Variants in FAM13A observed in about 807,000 individuals in gnomAD.
FAM13A encodes protein FAM13A.
FAM13A carries 76 observed loss-of-function variants against 129.6 expected under a neutral mutation model. The observed-to-expected ratio is 0.59, with a 90% CI of 0.49 to 0.71. FAM13A has a LOEUF of 0.71. Ranked by LOEUF, FAM13A falls within the 30% of genes least tolerant of loss-of-function variation. The probability of loss-of-function intolerance (pLI) is 0.00; values close to 1 mark genes in which losing one functional copy is unlikely to be tolerated. For missense variants in FAM13A, 1,108 were observed against 1,249.3 expected, an observed-to-expected ratio of 0.89 and a Z score of 1.70; for synonymous variants, 443 against 449.9, an observed-to-expected ratio of 0.98 and a Z score of 0.20.
chr4:89,020,726 A>G (rs1267636270), intron 2 of FAM13A, 57 bp from the exon 3 acceptor site: 1 of 1,106,532 alleles, frequency 9.0e-7, no homozygotes, highest in African/African-American at 1.5e-5. Flanking sequence ...CATGAAACGT[A>G]AAGAATGATA....
chr4:89,035,139 A>G (rs779363678), intron 1 of FAM13A, among the ~76,000 whole-genome samples: 2 of 152,180 alleles, frequency 1.3e-5, no homozygotes, highest in Non-Finnish European at 2.9e-5. Flanking sequence ...AACCAAATAC[A>G]GCATGTTCTC....
intron 3 of FAM13A, among the ~76,000 whole-genome samples, chr4:89,017,401 A>G (rs1407461495): frequency 6.6e-6 from 1 of 152,222 alleles, no homozygotes; most frequent in East Asian, 1.9e-4. Flanking sequence ...CTTTCTGATG[A>G]CTGAGGAATC....
chr4:88,939,662 C>T (rs1375628752), intron 4 of FAM13A, among the ~76,000 whole-genome samples: 2 of 152,122 alleles, frequency 1.3e-5, no homozygotes, highest in Non-Finnish European at 2.9e-5. Context: ...TATGATTTGG[C>T]AAAGGTGATA....
chr4:88,827,828 C>T (rs951218312), intron 7 of FAM13A, among the ~76,000 whole-genome samples: 4 of 152,222 alleles, frequency 2.6e-5, no homozygotes, highest in Admixed American at 2.0e-4. Flanking sequence ...GATTTGGTAA[C>T]TCATTTTTGT....
At chr4:88,812,511 T>C (rs576391660) in intron 7 of FAM13A, among the ~76,000 whole-genome samples, 1 of 152,298 alleles carries the variant, frequency 6.6e-6, no homozygotes, top group Non-Finnish European at 1.5e-5. Flanking sequence ...CTCTTTCCAT[T>C]TGTACATGTT....
intron 20 of FAM13A, 24 bp from the exon 21 acceptor site, chr4:88,737,579 G>A (rs1739255139): frequency 6.3e-7 from 1 of 1,597,274 alleles, no homozygotes; most frequent in African/African-American, 1.3e-5. Flanking sequence ...TAACAAGTAG[G>A]TTACATTCCG....
intron 19 of FAM13A, among the ~76,000 whole-genome samples, chr4:88,741,760 C>T (rs183081959): frequency 3.5e-4 from 53 of 152,246 alleles, no homozygotes; most frequent in Non-Finnish European, 2.4e-4. Context: ...ATTTGGGATG[C>T]TCAATCAGTA....
At chr4:88,927,393 A>C (rs1236002542) in intron 5 of FAM13A, among the ~76,000 whole-genome samples, 1 of 151,346 alleles carries the variant, frequency 6.6e-6, no homozygotes, top group Non-Finnish European at 1.5e-5. Flanking sequence ...ATAATCAATG[A>C]ACAGGGATAA....
Position 88,726,372 on chromosome 4 carries a change from T to G in FAM13A, c.*2161A>C, listed in dbSNP as rs916446710. On this transcript the variant is annotated 3_prime_UTR_variant, in exon 24 of 24. Coordinates refer to ENST00000264344, the MANE Select transcript of FAM13A (RefSeq NM_014883.4). ...TCATACACAATTTATTTTATATAAC[T>G]TACTTGGTGTTTTCTTTTATTGAAT... 2.0e-5 allele frequency: 3 copies of G among 152,386 alleles called. No individual in the cohort carries two copies. Among genetic ancestry groups the G allele is most frequent in the Admixed American group, 6.5e-5 (1 of 15,288 alleles). The allele number at this position is 152,386 out of a possible 1,614,324, so 9.4% of individuals were successfully genotyped here. A position where few individuals can be genotyped will look rare whatever the true frequency, so the allele number is the denominator to read the frequency against.
At chr4:88,842,276 A>G (rs1735967979) in intron 7 of FAM13A, among the ~76,000 whole-genome samples, 1 of 152,214 alleles carries the variant, frequency 6.6e-6, no homozygotes, top group Non-Finnish European at 1.5e-5. Context: ...ACTCCAGATA[A>G]AAGGGAAAAT....
intron 4 of FAM13A, among the ~76,000 whole-genome samples, chr4:88,976,520 A>G (rs930424556): frequency 3.3e-5 from 5 of 152,184 alleles, no homozygotes; most frequent in African/African-American, 1.2e-4. Context: ...CATGTGCCAC[A>G]TGACATTTTG....
intron 6 of FAM13A, among the ~76,000 whole-genome samples, chr4:88,861,123 A>G (rs1360382340): frequency 6.6e-6 from 1 of 152,100 alleles, no homozygotes; most frequent in Non-Finnish European, 1.5e-5. Context: ...TATTATAAAA[A>G]TTAAATGACA....
chr4:89,056,747 A>G (rs1772236453), intron 1 of FAM13A, among the ~76,000 whole-genome samples, 191 bp downstream of exon 1: 1 of 152,224 alleles, frequency 6.6e-6, no homozygotes. Flanking sequence ...AAAGTGCACA[A>G]ATATGCTGAA....
intron 7 of FAM13A, among the ~76,000 whole-genome samples, chr4:88,810,195 A>T (rs879332819): frequency 2.0e-4 from 30 of 152,270 alleles, no homozygotes; most frequent in Non-Finnish European, 3.8e-4. Context: ...AATAGACAAA[A>T]AGACTTCCAA....
rs143377883 is a variant in FAM13A, at chr4:89,034,825, T to A, written c.28-5176A>T. On this transcript the variant is annotated intron_variant, in intron 1 of 23. Coordinates refer to ENST00000264344, the MANE Select transcript of FAM13A (RefSeq NM_014883.4). ...TGAACCTGGGAGGCGGAGGTTGCAG[T>A]GAGCTGAGTTCATATCACTGCACTC... 5.1e-3 allele frequency among the ~76,000 whole-genome samples: 783 copies of A among 152,314 alleles called. 2 individuals are homozygous for A. The highest frequency in any genetic ancestry group is 8.3e-3 in the Non-Finnish European group (566 of 68,026).
intron 1 of FAM13A, among the ~76,000 whole-genome samples, chr4:89,037,137 T>A (rs1410594034): frequency 1.3e-5 from 2 of 152,138 alleles, no homozygotes; most frequent in Non-Finnish European, 2.9e-5. Context: ...GAATGGTAGA[T>A]CCACTGACAG....
At chr4:88,776,840 G>C (rs982852348) in intron 11 of FAM13A, among the ~76,000 whole-genome samples, 1 of 152,066 alleles carries the variant, frequency 6.6e-6, no homozygotes, top group Non-Finnish European at 1.5e-5. Flanking sequence ...TGGGCACAGT[G>C]GTGTGCGCCT....
chr4:88,945,964 C>CTGTGTGTGTGTGTGTGTG (rs763159585), intron 4 of FAM13A, among the ~76,000 whole-genome samples: 5 of 70,856 alleles, frequency 7.1e-5, no homozygotes, highest in African/African-American at 1.8e-4. Flanking sequence ...CACATAGTAT[C>CTGTGTGTGTGTGTGTGTG]TGTGTGTGTG....
chr4:88,883,948 C>T (rs1375677263), intron 6 of FAM13A, among the ~76,000 whole-genome samples: 1 of 151,976 alleles, frequency 6.6e-6, no homozygotes, highest in African/African-American at 2.4e-5. Context: ...GACAACCCTC[C>T]TAGATTATAC....
Sources: gnomAD v4.1 joint callset for allele counts (sites outside exome capture counted in the v4.1 genomes callset) on GRCh38, gnomAD v4.1.1 for gene constraint, MANE v1.5 for transcripts, NCBI Gene and HGNC (gene_info 2026-07-23, HGNC 2026-07-21) for gene names.